PDE1C: variants seen among roughly 807,000 people sequenced by gnomAD.
PDE1C encodes dual specificity calcium/calmodulin-dependent 3',5'-cyclic nucleotide phosphodiesterase 1C.
A neutral mutation model predicts 93.1 loss-of-function variants in PDE1C; 62 were observed. That is an observed-to-expected ratio of 0.67 (90% CI 0.54 to 0.82). PDE1C has a LOEUF of 0.82. Among genes scored for constraint, PDE1C ranks in the 40% least tolerant of loss-of-function variants. The pLI, the probability that PDE1C is intolerant of heterozygous loss-of-function variation, is 0.00. For synonymous variants in PDE1C, 325 were observed against 310.1 expected, an observed-to-expected ratio of 1.05 and a Z score of -0.50; for missense variants, 742 against 884.6, an observed-to-expected ratio of 0.84 and a Z score of 2.04.
intron 3 of PDE1C, among the ~76,000 whole-genome samples, chr7:32,081,536 A>G (rs919121900): frequency 1.3e-5 from 2 of 152,198 alleles, no homozygotes; most frequent in African/African-American, 2.4e-5. Flanking sequence ...CTATACTCCT[A>G]TTCTACACAG....
At chr7:32,294,235 G>A (rs1309749526) in intron 1 of PDE1C, among the ~76,000 whole-genome samples, 1 of 152,172 alleles carries the variant, frequency 6.6e-6, no homozygotes, top group East Asian at 1.9e-4. Flanking sequence ...TTCCTCCTCT[G>A]GTACAACCCA....
intron 3 of PDE1C, among the ~76,000 whole-genome samples, chr7:32,084,511 A>G (rs1158493279): frequency 6.7e-6 from 1 of 150,146 alleles, no homozygotes; most frequent in East Asian, 1.9e-4. Context: ...CCTAATAGAC[A>G]TCTACAGAAC....
chr7:32,319,587 A>G (rs1783245809), intron 1 of PDE1C, among the ~76,000 whole-genome samples: 1 of 152,226 alleles, frequency 6.6e-6, no homozygotes, highest in African/African-American at 2.4e-5. Context: ...AAACTCTGCT[A>G]TAGAATGCCA....
chr7:31,842,489 TTC>T (rs1792042181), intron 9 of PDE1C, among the ~76,000 whole-genome samples: 1 of 152,112 alleles, frequency 6.6e-6, no homozygotes, highest in Non-Finnish European at 1.5e-5. Context: ...TGTTCAGACT[TTC>T]TGTTTCATCT....
At chr7:31,680,200 T>G in the PDE1C span, among the ~76,000 whole-genome samples, 3 of 152,238 alleles carry the variant, frequency 2.0e-5, no homozygotes, top group African/African-American at 7.2e-5. Context: ...CCCTTGCTGT[T>G]CGGCTGAGTG....
the PDE1C span, among the ~76,000 whole-genome samples, chr7:31,738,532 A>G: frequency 6.6e-6 from 1 of 152,180 alleles, no homozygotes; most frequent in Non-Finnish European, 1.5e-5. Flanking sequence ...GATTATTGCA[A>G]TTCAAGGTGA....
chr7:32,374,306 A>AGAAG (rs1177201970), intron 1 of PDE1C, among the ~76,000 whole-genome samples: 1 of 148,978 alleles, frequency 6.7e-6, no homozygotes, highest in Non-Finnish European at 1.5e-5. Context: ...AAAGAAAGAA[A>AGAAG]GAAGAAAAGA....
chr7:31,629,263 A>T, the PDE1C span, among the ~76,000 whole-genome samples: 2 of 131,788 alleles, frequency 1.5e-5, no homozygotes, highest in Admixed American at 1.7e-4. Flanking sequence ...GACAAAGAAG[A>T]TATGTGTGTT....
intron 1 of PDE1C, among the ~76,000 whole-genome samples, chr7:32,290,228 A>C (rs1247904163): frequency 6.6e-6 from 1 of 152,202 alleles, no homozygotes; most frequent in Non-Finnish European, 1.5e-5. Context: ...CAGGCACTCC[A>C]GATCCCTGGC....
intron 1 of PDE1C, among the ~76,000 whole-genome samples, chr7:32,068,729 T>C (rs1795688008): frequency 6.6e-6 from 1 of 152,188 alleles, no homozygotes; most frequent in South Asian, 2.1e-4. Flanking sequence ...CTAGCCCAAA[T>C]GTCTCCATGG....
At chr7:31,691,814 A>AAC in the PDE1C span, among the ~76,000 whole-genome samples, 1 of 151,206 alleles carries the variant, frequency 6.6e-6, no homozygotes, top group African/African-American at 2.4e-5. Flanking sequence ...AAAAAAAAAA[A>AAC]AAAAAAAACC....
chr7:32,267,134 G>A (rs889469132), intron 1 of PDE1C, among the ~76,000 whole-genome samples: 2 of 152,204 alleles, frequency 1.3e-5, no homozygotes, highest in Non-Finnish European at 2.9e-5. Flanking sequence ...GAGCAGCGGC[G>A]GCCCCTGGCC....
chr7:32,427,652 C>G (rs748732852), intron 1 of PDE1C, among the ~76,000 whole-genome samples: 26 of 152,210 alleles, frequency 1.7e-4, no homozygotes, highest in Non-Finnish European at 2.1e-4. Context: ...GATAAGCCTT[C>G]TGAAATAGCC....
chr7:32,395,430 A>T (rs1262530187), intron 1 of PDE1C, among the ~76,000 whole-genome samples: 2 of 152,180 alleles, frequency 1.3e-5, no homozygotes, highest in African/African-American at 2.4e-5. Context: ...ACAAAGGCAT[A>T]AAAAGGGATA....
At chr7:32,229,906 C>G (rs1286358772) in intron 1 of PDE1C, among the ~76,000 whole-genome samples, 1 of 152,196 alleles carries the variant, frequency 6.6e-6, no homozygotes, top group Admixed American at 6.5e-5. Context: ...TCTTTTGCAG[C>G]AGAATCACTT....
At chr7:32,378,271 T>G (rs1405450047) in intron 1 of PDE1C, among the ~76,000 whole-genome samples, 2 of 152,192 alleles carry the variant, frequency 1.3e-5, no homozygotes, top group Non-Finnish European at 2.9e-5. Context: ...AGAAAGATTC[T>G]TCTCAAATGC....
intron 1 of PDE1C, among the ~76,000 whole-genome samples, chr7:32,256,114 G>A (rs1809776685): frequency 6.6e-6 from 1 of 152,116 alleles, no homozygotes; most frequent in Admixed American, 6.5e-5. Flanking sequence ...CATTTCACAG[G>A]AATTGCCTGA....
intron 15 of PDE1C, among the ~76,000 whole-genome samples, chr7:31,814,394 G>A (rs1787965043): frequency 6.6e-6 from 1 of 151,888 alleles, no homozygotes; most frequent in South Asian, 2.1e-4. Context: ...GGACGAGTCG[G>A]GACAATGGCC....
At chr7:32,001,906 A>C (rs533747199) in intron 2 of PDE1C, among the ~76,000 whole-genome samples, 1 of 152,218 alleles carries the variant, frequency 6.6e-6, no homozygotes, top group East Asian at 1.9e-4. Flanking sequence ...CTAAAATACA[A>C]AAATTAGCTG....
Sources: allele counts gnomAD v4.1 joint callset (sites outside exome capture counted in the v4.1 genomes callset), GRCh38; gene constraint gnomAD v4.1.1; transcripts MANE v1.5; gene names NCBI Gene and HGNC (gene_info 2026-07-23, HGNC 2026-07-21).